FLT3: variants seen among roughly 807,000 people sequenced by gnomAD.
FLT3 encodes the protein fms related receptor tyrosine kinase 3.
Under a neutral mutation model 126.6 loss-of-function variants are expected in FLT3, and 46 were observed. The observed-to-expected ratio is 0.36, with a 90% confidence interval of 0.29 to 0.46. The LOEUF (loss-of-function observed/expected upper bound fraction) is 0.46, where lower values mean the gene tolerates loss of function less well. Ranked by LOEUF, FLT3 falls within the 20% of genes least tolerant of loss-of-function variation. FLT3 has a pLI of 1.00. For missense variants in FLT3, 1,069 were observed against 1,190.3 expected, an observed-to-expected ratio of 0.90 and a Z score of 1.50; for synonymous variants, 404 against 434.4, an observed-to-expected ratio of 0.93 and a Z score of 0.87.
At chr13:28,076,297 G>A (rs1273001385) in intron 1 of FLT3, among the ~76,000 whole-genome samples, 1 of 152,078 alleles carries the variant, frequency 6.6e-6, no homozygotes, top group Non-Finnish European at 1.5e-5. Context: ...GCCTTCTCCA[G>A]AGGGACAAAA....
chr13:28,058,592 T>C (rs772484201), intron 3 of FLT3, among the ~76,000 whole-genome samples: 9 of 152,240 alleles, frequency 5.9e-5, no homozygotes, highest in Non-Finnish European at 1.3e-4. Flanking sequence ...AAGTGTAGTC[T>C]TTCTCTAACA....
intron 15 of FLT3, among the ~76,000 whole-genome samples, chr13:28,030,552 A>C (rs1873228264): frequency 6.6e-6 from 1 of 152,118 alleles, no homozygotes; most frequent in Non-Finnish European, 1.5e-5. Flanking sequence ...AAGCCATGAC[A>C]ATACAGTGCC....
chr13:28,058,207 T>TTAAA (rs373178245), intron 3 of FLT3, among the ~76,000 whole-genome samples: 1 of 127,674 alleles, frequency 7.8e-6, no homozygotes, highest in Non-Finnish European at 1.6e-5. Flanking sequence ...TTTTAAAAAT[T>TTAAA]AAAAAAAAAA....
At chr13:28,016,237 T>C (rs1871843529) in intron 20 of FLT3, among the ~76,000 whole-genome samples, 1 of 151,886 alleles carries the variant, frequency 6.6e-6, no homozygotes, top group South Asian at 2.1e-4. Context: ...ACAAGATGGG[T>C]AGGTTACTGG....
At chr13:28,098,230 G>A (rs1341832522) in intron 1 of FLT3, among the ~76,000 whole-genome samples, 4 of 149,868 alleles carry the variant, frequency 2.7e-5, no homozygotes, top group Non-Finnish European at 5.9e-5. Flanking sequence ...CAGGAGAATC[G>A]CTTGAACCTG....
intron 1 of FLT3, among the ~76,000 whole-genome samples, chr13:28,082,707 TTTG>T (rs1159598140): frequency 6.7e-6 from 1 of 150,100 alleles, no homozygotes; most frequent in African/African-American, 2.5e-5. Flanking sequence ...TTTGTTTTGT[TTTG>T]TTTTGTTTTT....
Position 28,015,198 on chromosome 13 carries a change from A to C in FLT3, c.2712T>G (p.Asn904Lys). ...AAAATGGCTGATCCATTTTAAATCC[A>C]TTTTGAATCAGTTTGTAGAAGTTAG... ...VDANFYKLIQ[N>K]GFKMDQPFYA... Residue 904 changes from asparagine (N) to lysine (K), a missense_variant, in exon 22 of 24, where the codon AAT becomes AAG. Coordinates refer to ENST00000241453, the MANE Select transcript of FLT3 (RefSeq NM_004119.3). 6.2e-7 allele frequency: 1 copy of C among 1,612,570 alleles called. No individual in the cohort carries two copies. The highest frequency in any genetic ancestry group is 8.5e-7 in the Non-Finnish European group (1 of 1,178,718).
At position 28,070,512 on chromosome 13, in the gene FLT3, C is replaced by T. The variant is rs1302946010; in HGVS notation, c.144G>A (p.Gly48=). Residue 48 remains glycine, a synonymous_variant, in exon 2 of 24, where the codon GGG becomes GGA. Transcript: ENST00000241453. ...TTACCATGGGATATGATGATGACTT[C>T]CCCACTGATGAATCATTGTTCTTAT... The part of the protein sequence containing the change: ...INHKNNDSSV[G]KSSSYPMVSE... 3 of 1,609,912 alleles carry T rather than the reference C, an allele frequency of 1.9e-6. No homozygotes were observed. The highest frequency in any genetic ancestry group is 2.2e-5 in the South Asian group (2 of 90,944).
intron 15 of FLT3, among the ~76,000 whole-genome samples, chr13:28,030,065 T>C (rs902388705): frequency 3.2e-4 from 49 of 152,346 alleles, no homozygotes; most frequent in Admixed American, 1.0e-3. Context: ...TAGTAACTCT[T>C]CTTTACATTC....
At chr13:28,044,575 G>T (rs544319235) in intron 9 of FLT3, among the ~76,000 whole-genome samples, 1 of 152,270 alleles carries the variant, frequency 6.6e-6, no homozygotes, top group African/African-American at 2.4e-5. Context: ...GCACTCAGAG[G>T]CGTGTTCAAA....
intron 9 of FLT3, among the ~76,000 whole-genome samples, chr13:28,039,123 G>A (rs907437283): frequency 1.2e-4 from 19 of 152,174 alleles, no homozygotes; most frequent in African/African-American, 2.9e-4. Flanking sequence ...GGCGCCAGAC[G>A]GGAAGTCATA....
chr13:28,090,098 C>T (rs7327222), intron 1 of FLT3, among the ~76,000 whole-genome samples: 90,608 of 151,024 alleles, frequency 0.6, 27,319 homozygotes, highest in East Asian at 0.74. Context: ...TGAAGTGTGG[C>T]GGCACAATCT....
intron 2 of FLT3, among the ~76,000 whole-genome samples, chr13:28,065,447 G>T (rs1876928259): frequency 1.3e-5 from 2 of 151,966 alleles, no homozygotes; most frequent in South Asian, 4.2e-4. Context: ...TTCAAGATCA[G>T]CCTGGGCAAC....
chr13:28,032,031 C>T (rs1430514713), intron 15 of FLT3, among the ~76,000 whole-genome samples: 4 of 152,054 alleles, frequency 2.6e-5, no homozygotes, highest in Admixed American at 6.6e-5. Context: ...AGACACTAAT[C>T]GGAAACCTGA....
chr13:28,075,716 C>T (rs1043814545), intron 1 of FLT3, among the ~76,000 whole-genome samples: 1 of 128,200 alleles, frequency 7.8e-6, no homozygotes, highest in South Asian at 3.4e-4. Context: ...CAGAGTGAGG[C>T]TCTGTCTAAA....
At chr13:28,056,553 C>T (rs1053126072) in intron 4 of FLT3, among the ~76,000 whole-genome samples, 5 of 152,160 alleles carry the variant, frequency 3.3e-5, no homozygotes, top group Non-Finnish European at 7.3e-5. Flanking sequence ...GTGCATAGCA[C>T]GGAGTCTGTG....
At chr13:28,074,528 G>A (rs1395174375) in intron 1 of FLT3, among the ~76,000 whole-genome samples, 1 of 152,120 alleles carries the variant, frequency 6.6e-6, no homozygotes, top group Admixed American at 6.5e-5. Flanking sequence ...GTTCCCACTC[G>A]CAGTGTATGG....
In FLT3 at chr13:28,015,498, C is replaced by T. The variant is rs1871761302; in HGVS notation, c.2653+92G>A. 6.9e-6 allele frequency: 5 copies of T among 727,832 alleles called. No individual in the cohort carries two copies. In the East Asian group the frequency reaches 1.2e-4, roughly 18 times the overall value. The allele number at this position is 727,832 out of a possible 1,614,324, so 45.1% of individuals were successfully genotyped here. A position where few individuals can be genotyped will look rare whatever the true frequency, so the allele number is the denominator to read the frequency against. On this transcript the variant is annotated intron_variant, in intron 21 of 23. Transcript: ENST00000241453. ...TCATGGGCTGCAATACAAGTAAGAC[C>T]CATCAGTGTTGGGGGGAGGGGTGGG...
chr13:28,021,774 A>G (rs927047664), intron 19 of FLT3, among the ~76,000 whole-genome samples: 9 of 149,838 alleles, frequency 6.0e-5, no homozygotes, highest in Admixed American at 4.0e-4. Flanking sequence ...ACAGAGTCTC[A>G]CTCTGTCGCC....
Sources: allele counts gnomAD v4.1 joint callset (sites outside exome capture counted in the v4.1 genomes callset), GRCh38; gene constraint gnomAD v4.1.1; transcripts MANE v1.5; gene names NCBI Gene and HGNC (gene_info 2026-07-23, HGNC 2026-07-21).